C8orf34: variants seen among roughly 807,000 people sequenced by gnomAD.
C8orf34 encodes the protein uncharacterized protein C8orf34.
C8orf34 carries 65 observed loss-of-function variants against 68.3 expected under a neutral mutation model. The ratio of observed to expected loss-of-function variants is 0.95; its 90% CI spans 0.78 to 1.17. The LOEUF (loss-of-function observed/expected upper bound fraction) is 1.17, where lower values mean the gene tolerates loss of function less well. Ranked by LOEUF, C8orf34 falls within the 50% of genes most tolerant of loss-of-function variation. C8orf34 has a pLI of 0.00. For missense variants in C8orf34, 664 were observed against 655.4 expected, an observed-to-expected ratio of 1.01 and a Z score of -0.14; for synonymous variants, 244 against 241.2, an observed-to-expected ratio of 1.01 and a Z score of -0.11.
chr8:68,424,915 A>T (rs748566831), intron 1 of C8orf34, among the ~76,000 whole-genome samples: 1 of 152,074 alleles, frequency 6.6e-6, no homozygotes, highest in Admixed American at 6.6e-5. Context: ...TAATAATAAT[A>T]ATAATTATAA....
intron 8 of C8orf34, among the ~76,000 whole-genome samples, chr8:68,660,086 A>G (rs1819626134): frequency 1.3e-5 from 2 of 152,092 alleles, no homozygotes; most frequent in Non-Finnish European, 1.5e-5. Flanking sequence ...AGTCTGGGGG[A>G]TTCATCCAAG....
chr8:68,815,161 CCT>C (rs1444563765), intron 12 of C8orf34, among the ~76,000 whole-genome samples: 13 of 152,104 alleles, frequency 8.5e-5, no homozygotes, highest in Admixed American at 8.5e-4. Context: ...CTGCTTTCAC[CCT>C]CTGTTTTATT....
chr8:68,652,664 G>C (rs1432038288), intron 8 of C8orf34, among the ~76,000 whole-genome samples: 1 of 152,136 alleles, frequency 6.6e-6, no homozygotes, highest in Non-Finnish European at 1.5e-5. Context: ...TTGTTGAAAA[G>C]ATTATTCCTT....
At chr8:68,420,866 A>G (rs1809935833) in intron 1 of C8orf34, among the ~76,000 whole-genome samples, 1 of 137,814 alleles carries the variant, frequency 7.3e-6, no homozygotes, top group South Asian at 2.2e-4. Context: ...AGATAGAAAC[A>G]AAATCATGGA....
intron 1 of C8orf34, among the ~76,000 whole-genome samples, chr8:68,351,856 C>T (rs546515659): frequency 3.9e-5 from 6 of 152,166 alleles, no homozygotes; most frequent in African/African-American, 1.4e-4. Flanking sequence ...TCCTTGCCAA[C>T]ATTTGGTGTT....
intron 8 of C8orf34, among the ~76,000 whole-genome samples, chr8:68,661,121 T>C (rs1425368033): frequency 6.6e-6 from 1 of 152,218 alleles, no homozygotes; most frequent in Non-Finnish European, 1.5e-5. Flanking sequence ...CCTTGATCCC[T>C]GAGACTGCCC....
At chr8:68,638,119 C>A (rs1196649626) in intron 7 of C8orf34, among the ~76,000 whole-genome samples, 1 of 152,122 alleles carries the variant, frequency 6.6e-6, no homozygotes, top group Non-Finnish European at 1.5e-5. Context: ...TGGGCAGAAG[C>A]TGTCTACTCT....
At chr8:68,817,408 CA>C (rs1824852410) in intron 13 of C8orf34, among the ~76,000 whole-genome samples, 1 of 152,066 alleles carries the variant, frequency 6.6e-6, no homozygotes, top group African/African-American at 2.4e-5. Context: ...AAAGTGTGTG[CA>C]AAAACAACCA....
intron 8 of C8orf34, among the ~76,000 whole-genome samples, chr8:68,684,794 A>T (rs1434935): frequency 0.29 from 44,509 of 151,606 alleles, 6,770 homozygotes; most frequent in East Asian, 0.57. Context: ...TTAAAAAAAA[A>T]ATATTTTTTT....
At position 68,571,661 on chromosome 8, in the gene C8orf34, C is replaced by G. The variant is rs545421949; in HGVS notation, c.1105+38512C>G. Among the ~76,000 whole-genome samples the G allele has an allele frequency of 1.5e-4, 23 of 152,254 alleles. No individual in the cohort carries two copies. In the South Asian group the frequency reaches 4.4e-3, roughly 29 times the overall value. On this transcript the variant is annotated intron_variant, in intron 7 of 13. Coordinates refer to ENST00000518698, the MANE Select transcript of C8orf34 (RefSeq NM_052958.4). Reference sequence around the variant, plus strand: ...AAGCTTATATATTATGGCTTATAAACAAGTGGCACTTACAGAAAAGTAGGA... The same window carrying G: ...AAGCTTATATATTATGGCTTATAAAGAAGTGGCACTTACAGAAAAGTAGGA...
At chr8:68,705,924 C>T (rs1821151924) in intron 8 of C8orf34, among the ~76,000 whole-genome samples, 1 of 152,152 alleles carries the variant, frequency 6.6e-6, no homozygotes, top group Non-Finnish European at 1.5e-5. Context: ...GCCTCTTGCG[C>T]TCTGCGCGTT....
intron 12 of C8orf34, chr8:68,790,736 CACTA>C (rs1823970788): frequency 1.7e-6 from 1 of 574,048 alleles, no homozygotes; most frequent in Non-Finnish European, 3.1e-6. Flanking sequence ...GGTCTGAAGT[CACTA>C]AACAAATCAA....
At position 68,442,618 on chromosome 8, in the gene C8orf34, T is replaced by C. The variant is rs566009790; in HGVS notation, c.475+2972T>C. ...TCAGGAGATCAATATAGTGAAAATA[T>C]GAGCAATATAGAAGGATACAAGCTG... is the stretch of plus-strand genomic sequence containing the variant. On this transcript the variant is annotated intron_variant, in intron 2 of 13. Coordinates refer to ENST00000518698, the MANE Select transcript of C8orf34 (RefSeq NM_052958.4). 8.6e-5 allele frequency among the ~76,000 whole-genome samples: 13 copies of C among 151,916 alleles called. No individual in the cohort carries two copies. The South Asian group carries it at 2.7e-3, about 31-fold the overall frequency.
At chr8:68,721,531 T>C in intron 10 of C8orf34, 94 bp downstream of exon 10, 1 of 817,674 alleles carries the variant, frequency 1.2e-6, no homozygotes, top group Non-Finnish European at 2.0e-6. Context: ...AAGCCAGCTT[T>C]CTTACTGATT....
chr8:68,478,766 A>C (rs1391730642), intron 4 of C8orf34, among the ~76,000 whole-genome samples: 1 of 152,206 alleles, frequency 6.6e-6, no homozygotes, highest in African/African-American at 2.4e-5. Context: ...TAAAACCATC[A>C]GATCTTGTGA....
chr8:68,360,722 A>C (rs1806948126), intron 1 of C8orf34, among the ~76,000 whole-genome samples: 1 of 147,898 alleles, frequency 6.8e-6, no homozygotes, highest in Non-Finnish European at 1.5e-5. Flanking sequence ...TAATGTCTCT[A>C]CATGGAATAT....
chr8:68,539,026 G>A (rs1586344467), intron 7 of C8orf34, among the ~76,000 whole-genome samples: 1 of 152,038 alleles, frequency 6.6e-6, no homozygotes, highest in East Asian at 1.9e-4. Flanking sequence ...TAAAAGTGTT[G>A]AAAATCTGTT....
At chr8:68,569,437 C>T (rs7828259) in intron 7 of C8orf34, among the ~76,000 whole-genome samples, 3,016 of 152,242 alleles carry the variant, frequency 0.02, 110 homozygotes, top group African/African-American at 0.068. Flanking sequence ...GAACACTTGT[C>T]GGCCCCTCCC....
chr8:68,605,448 G>A (rs184232729), intron 7 of C8orf34, among the ~76,000 whole-genome samples: 92 of 152,052 alleles, frequency 6.1e-4, no homozygotes, highest in Admixed American at 2.6e-3. Flanking sequence ...TTCAAACCTC[G>A]GAAGAAACTA....
Sources: allele counts gnomAD v4.1 joint callset (sites outside exome capture counted in the v4.1 genomes callset), GRCh38; gene constraint gnomAD v4.1.1; transcripts MANE v1.5; gene names NCBI Gene and HGNC (gene_info 2026-07-23, HGNC 2026-07-21).